PRIM2: variants seen among roughly 807,000 people sequenced by gnomAD.
PRIM2 encodes the protein DNA primase large subunit.
A neutral mutation model predicts 67.3 loss-of-function variants in PRIM2; 39 were observed. The ratio of observed to expected loss-of-function variants is 0.58; its 90% CI spans 0.45 to 0.76. PRIM2 has a LOEUF of 0.76. Ranked by LOEUF, PRIM2 falls within the 30% of genes least tolerant of loss-of-function variation. PRIM2 has a pLI of 0.00. For synonymous variants in PRIM2, 143 were observed against 198.7 expected, an observed-to-expected ratio of 0.72 and a Z score of 2.36; for missense variants, 398 against 598.7, an observed-to-expected ratio of 0.66 and a Z score of 3.50.
the PRIM2 span, among the ~76,000 whole-genome samples, chr6:57,253,554 G>T: frequency 6.6e-6 from 1 of 151,892 alleles, no homozygotes; most frequent in African/African-American, 2.4e-5. Flanking sequence ...CCACCCTTCA[G>T]CACTGAGATC....
the PRIM2 span, among the ~76,000 whole-genome samples, chr6:57,303,993 C>T: frequency 6.6e-6 from 1 of 152,220 alleles, no homozygotes; most frequent in Non-Finnish European, 1.5e-5. Flanking sequence ...AATAATGATG[C>T]AGGATGATGG....
chr6:57,439,403 T>TG (rs782305654), intron 7 of PRIM2, among the ~76,000 whole-genome samples: 6 of 120,700 alleles, frequency 5.0e-5, no homozygotes, highest in Admixed American at 9.0e-5. Context: ...AGAGGTACTC[T>TG]GTTTTTTTTT....
intron 7 of PRIM2, among the ~76,000 whole-genome samples, chr6:57,398,770 G>A (rs111669587): frequency 2.0e-5 from 3 of 152,054 alleles, no homozygotes; most frequent in Non-Finnish European, 4.4e-5. Flanking sequence ...GTATTATTTT[G>A]TGGGAATCTA....
intron 13 of PRIM2, among the ~76,000 whole-genome samples, chr6:57,638,160 A>T (rs1157968573): frequency 6.6e-6 from 1 of 152,222 alleles, no homozygotes; most frequent in African/African-American, 2.4e-5. Flanking sequence ...AACCTTCATA[A>T]GCGAAGGAGA....
At chr6:57,246,999 T>C in the PRIM2 span, among the ~76,000 whole-genome samples, 1 of 152,012 alleles carries the variant, frequency 6.6e-6, no homozygotes, top group Non-Finnish European at 1.5e-5. Flanking sequence ...GGACTACAGG[T>C]ACCCACCACC....
chr6:57,629,825 G>C (rs1315509117), intron 12 of PRIM2, among the ~76,000 whole-genome samples: 1 of 151,464 alleles, frequency 6.6e-6, no homozygotes, highest in South Asian at 2.1e-4. Flanking sequence ...TTCATTCCTT[G>C]GTCCATCTTT....
chr6:57,267,773 G>C, the PRIM2 span, among the ~76,000 whole-genome samples: 1 of 151,242 alleles, frequency 6.6e-6, no homozygotes, highest in African/African-American at 2.4e-5. Flanking sequence ...AGCTAGGCAT[G>C]GTGGCACATG....
At chr6:57,545,768 G>T (rs1277474897) in intron 10 of PRIM2, among the ~76,000 whole-genome samples, 1 of 152,068 alleles carries the variant, frequency 6.6e-6, no homozygotes, top group Admixed American at 6.6e-5. Flanking sequence ...TCTTCCAAGA[G>T]ATTTATTTGG....
At chr6:57,237,281 A>G in the PRIM2 span, among the ~76,000 whole-genome samples, 2 of 151,958 alleles carry the variant, frequency 1.3e-5, no homozygotes, top group Non-Finnish European at 2.9e-5. Context: ...TTTCTTGTAA[A>G]TTTGTTTGAG....
chr6:57,268,440 G>A, the PRIM2 span, among the ~76,000 whole-genome samples: 3 of 151,900 alleles, frequency 2.0e-5, no homozygotes, highest in Non-Finnish European at 2.9e-5. Context: ...ACATCAAAAT[G>A]TCTATGCATA....
rs1214252971 is a variant in PRIM2, at chr6:57,320,563, A to T, written c.258+3A>T. On this transcript the variant is annotated splice_donor_region_variant and intron_variant, in intron 3 of 13. Coordinates refer to ENST00000615550, the MANE Select transcript of PRIM2 (RefSeq NM_000947.5). ...GGAAGCTCAAGTTTTCCTACAGAGTAAGTAAAAAAGGAAAAAAAAGTTCCT... is the reference window on the plus strand; with the variant it reads ...GGAAGCTCAAGTTTTCCTACAGAGTTAGTAAAAAAGGAAAAAAAAGTTCCT... The T allele has an allele frequency of 6.3e-7, 1 of 1,581,624 alleles. No homozygotes were observed. Among genetic ancestry groups the T allele is most frequent in the Non-Finnish European group, 8.6e-7 (1 of 1,165,778 alleles).
the PRIM2 span, among the ~76,000 whole-genome samples, chr6:57,231,367 T>C: frequency 6.6e-6 from 1 of 152,310 alleles, no homozygotes; most frequent in Middle Eastern, 3.4e-3. Flanking sequence ...TGGTAAATAC[T>C]TATCTCAAAA....
At chr6:57,554,757 T>C (rs1387677215) in intron 10 of PRIM2, among the ~76,000 whole-genome samples, 1 of 152,226 alleles carries the variant, frequency 6.6e-6, no homozygotes, top group Non-Finnish European at 1.5e-5. Flanking sequence ...CTTTGAAAAA[T>C]TGAAGGATAT....
chr6:57,509,770 T>C (rs1554347531), intron 8 of PRIM2, among the ~76,000 whole-genome samples: 1 of 149,916 alleles, frequency 6.7e-6, no homozygotes, highest in Non-Finnish European at 1.5e-5. Flanking sequence ...TTTGTAGATA[T>C]ATAATATATA....
chr6:57,311,841 A>G (rs1581780451), upstream of PRIM2, among the ~76,000 whole-genome samples: 4 of 152,114 alleles, frequency 2.6e-5, no homozygotes, highest in Non-Finnish European at 4.4e-5. Flanking sequence ...AGCCCGGTCA[A>G]CACGGCGAAA....
rs534517317 is a variant in PRIM2 at position 57,393,352 on chromosome 6, C to A, written c.693+11184C>A. On this transcript the variant is annotated intron_variant, in intron 7 of 13. Coordinates refer to ENST00000615550, the MANE Select transcript of PRIM2 (RefSeq NM_000947.5). Reference sequence around the variant, plus strand: ...TTGATTTTGATTATGGCCATTCTTGCAGGAGTAAGGTGGTATTGCAATGTA... The same window carrying A: ...TTGATTTTGATTATGGCCATTCTTGAAGGAGTAAGGTGGTATTGCAATGTA... Among the ~76,000 whole-genome samples the A allele has an allele frequency of 2.6e-5, 4 of 152,250 alleles. No individual in the cohort carries two copies. In the South Asian group the frequency reaches 8.3e-4, roughly 32 times the overall value.
Position 57,615,402 on chromosome 6 carries a change from C to T in PRIM2, c.1230+8945C>T, listed in dbSNP as rs1776737194. 3.7e-5 allele frequency among the ~76,000 whole-genome samples: 5 copies of T among 135,152 alleles called. No homozygotes were observed. The South Asian group carries it at 1.2e-3, about 32-fold the overall frequency. The allele number at this position is 135,152 out of a possible 152,430, so 88.7% of individuals were successfully genotyped here. ...TGCCACTGCACTCCAGCCTGGGCCA[C>T]AGAGTGAGATTCTGTCTCAAAAAAA... On this transcript the variant is annotated intron_variant, in intron 12 of 13. Transcript: ENST00000615550.
chr6:57,385,008 T>C (rs1267605905), intron 7 of PRIM2, among the ~76,000 whole-genome samples: 1 of 152,224 alleles, frequency 6.6e-6, no homozygotes, highest in Non-Finnish European at 1.5e-5. Flanking sequence ...AATTTTACAT[T>C]TGCCACACAT....
chr6:57,320,009 T>C (rs1767596496), intron 2 of PRIM2, among the ~76,000 whole-genome samples: 1 of 152,226 alleles, frequency 6.6e-6, no homozygotes, highest in Non-Finnish European at 1.5e-5. Context: ...GGATGGCCTT[T>C]CTTCTTCACT....
Sources: gnomAD v4.1 joint callset for allele counts (sites outside exome capture counted in the v4.1 genomes callset) on GRCh38, gnomAD v4.1.1 for gene constraint, MANE v1.5 for transcripts, NCBI Gene and HGNC (gene_info 2026-07-23, HGNC 2026-07-21) for gene names.